NFIX: variants seen among roughly 807,000 people sequenced by gnomAD.
The protein encoded by NFIX is nuclear factor 1 X-type.
A neutral mutation model predicts 53.3 loss-of-function variants in NFIX; 2 were observed. The ratio of observed to expected loss-of-function variants is 0.04; its 90% CI spans 0.02 to 0.12. NFIX has a LOEUF of 0.12. NFIX is among the 10% of genes least tolerant of loss of function. The pLI, the probability that NFIX is intolerant of heterozygous loss-of-function variation, is 1.00. For missense variants in NFIX, 310 were observed against 674.5 expected (o/e 0.46, Z 5.99); for synonymous variants, 244 against 289.0 (o/e 0.84, Z 1.58).
intron 2 of NFIX, among the ~76,000 whole-genome samples, chr19:13,041,367 G>A (rs550614638): frequency 6.6e-6 from 1 of 152,290 alleles, no homozygotes; most frequent in East Asian, 1.9e-4. Flanking sequence ...AAGTCAGGGG[G>A]TGGAAATTAA....
At chr19:13,058,234 C>G (rs117549481) in intron 2 of NFIX, among the ~76,000 whole-genome samples, 17 of 152,228 alleles carry the variant, frequency 1.1e-4, no homozygotes, top group Non-Finnish European at 1.2e-4. Flanking sequence ...GGACACCTTT[C>G]CAGGGATCTG....
rs958862049 is a variant in NFIX at position 13,089,295 on chromosome 19, G to A, written c.1403-1004G>A. On this transcript the variant is annotated intron_variant, in intron 9 of 10. Coordinates refer to ENST00000592199, the MANE Select transcript of NFIX (RefSeq NM_001365902.3). The surrounding 1 kb of genome is among the most constrained non-coding windows in gnomAD (Gnocchi z 4.8). ...CTGGGTGTGTCTGGTGCAGGGCAGC[G>A]GCGGGCCTTCCAGGTAACCTGTGAC... Among the ~76,000 whole-genome samples the A allele has an allele frequency of 6.6e-5, 10 of 152,110 alleles. No homozygotes were observed. Among genetic ancestry groups the A allele is most frequent in the African/African-American group, 2.2e-4 (9 of 41,418 alleles).
rs1173448520 is a variant in NFIX at position 12,996,597 on chromosome 19, CCCA to C, written c.27+736_27+738del. On this transcript the variant is annotated intron_variant, in intron 1 of 10. Coordinates refer to ENST00000592199, the MANE Select transcript of NFIX (RefSeq NM_001365902.3). The surrounding 1 kb of genome is among the most constrained non-coding windows in gnomAD (Gnocchi z 5.2). ...CCCCGGACGTCGCAGCCTCTGCCCC[CCCA>C]CCCCCAAACTTTCCTCGGCGCAAAC... 1.3e-5 allele frequency among the ~76,000 whole-genome samples: 2 copies of C among 152,184 alleles called. No individual in the cohort carries two copies. Among genetic ancestry groups the C allele is most frequent in the African/African-American group, 4.8e-5 (2 of 41,460 alleles).
intron 2 of NFIX, among the ~76,000 whole-genome samples, chr19:13,058,971 C>T (rs1043978117): frequency 6.6e-6 from 1 of 152,154 alleles, no homozygotes; most frequent in African/African-American, 2.4e-5. Flanking sequence ...CCGGAGCCAC[C>T]GTCTCACCTT....
At chr19:13,083,463 T>G (rs779027209) in intron 8 of NFIX, among the ~76,000 whole-genome samples, 8 of 152,196 alleles carry the variant, frequency 5.3e-5, no homozygotes, top group Non-Finnish European at 7.3e-5. Flanking sequence ...CCCTGGCCAT[T>G]CTGAGCCTCT....
intron 1 of NFIX, 143 bp from the exon 2 acceptor site, chr19:13,024,878 G>C: frequency 7.6e-7 from 1 of 1,322,500 alleles, no homozygotes; most frequent in Non-Finnish European, 1.0e-6. Context: ...AAATTGTTGG[G>C]GGGAGGGAGG....
At position 13,073,427 on chromosome 19, in the gene NFIX, T is replaced by C. The variant is rs1568316185; in HGVS notation, c.628T>C (p.Leu210=). 1 of 1,613,972 alleles carries C rather than the reference T, an allele frequency of 6.2e-7. No homozygotes were observed. The highest frequency in any genetic ancestry group is 2.2e-5 in the East Asian group (1 of 44,886). The change falls in exon 4 of 11, where the codon TTA becomes CTA. Residue 210 remains leucine, a synonymous_variant. Transcript: ENST00000592199. This position sits in a 1 kb window ranked among gnomAD's most constrained non-coding sequence, Gnocchi z 4.5. ...TCATCCTTTCCCCTCTTCAGGGCAC[T>C]TAAGTTTCCAGGACTGTTTTGTGAC... ...ADIKPLPNGH[L]SFQDCFVTSG...
rs558721000 is a variant in NFIX at position 13,026,217 on chromosome 19, C to T, written c.559+665C>T. Among the ~76,000 whole-genome samples, 191 of 152,094 alleles carry T rather than the reference C, an allele frequency of 1.3e-3. 1 individual carries two copies. Among genetic ancestry groups the T allele is most frequent in the Non-Finnish European group, 2.1e-3 (145 of 67,980 alleles). On this transcript the variant is annotated intron_variant, in intron 2 of 10. Transcript: ENST00000592199. ...AGAGAGTGAAAACAAGGACGAGATTCCTTGAGCTCTTTCCCTTCTCCTTAT... is the reference window on the plus strand; with the variant it reads ...AGAGAGTGAAAACAAGGACGAGATTTCTTGAGCTCTTTCCCTTCTCCTTAT...
At chr19:13,033,716 C>G (rs529013317) in intron 2 of NFIX, among the ~76,000 whole-genome samples, 1 of 152,352 alleles carries the variant, frequency 6.6e-6, no homozygotes, top group Non-Finnish European at 1.5e-5. Flanking sequence ...TCCCTGAATT[C>G]TCACCCTGAT....
At position 13,052,380 on chromosome 19, in the gene NFIX, C is replaced by T. The variant is rs2015382093; in HGVS notation, c.560-20667C>T. ...GGGTAGAGCCCAGATGGGAGCCCAC[C>T]TGGATGGCACGAACCACCTGAGTGA... On this transcript the variant is annotated intron_variant, in intron 2 of 10. Coordinates refer to ENST00000592199, the MANE Select transcript of NFIX (RefSeq NM_001365902.3). The surrounding 1 kb of genome is among the most constrained non-coding windows in gnomAD (Gnocchi z 5.2). 6.6e-6 allele frequency among the ~76,000 whole-genome samples: 1 copy of T among 152,184 alleles called. No individual in the cohort carries two copies. The highest frequency in any genetic ancestry group is 2.4e-5 in the African/African-American group (1 of 41,442).
At chr19:13,041,737 T>TCAGCCGAGATCGTGCCACTGCACTC (rs2014634219) in intron 2 of NFIX, among the ~76,000 whole-genome samples, 1 of 147,796 alleles carries the variant, frequency 6.8e-6, no homozygotes, top group East Asian at 2.0e-4. Context: ...GAGGTTGCAG[T>TCAGCCGAGATCGTGCCACTGCACTC]CAGCCGAGAT....
intron 2 of NFIX, among the ~76,000 whole-genome samples, chr19:13,046,215 G>A (rs1336630163): frequency 6.6e-6 from 1 of 152,094 alleles, no homozygotes; most frequent in Non-Finnish European, 1.5e-5. Context: ...CGGGAAAGAG[G>A]GTAGGCCTGT....
Position 12,998,432 on chromosome 19 carries a change from G to C in NFIX, c.27+2568G>C, listed in dbSNP as rs559215499. ...CTTGGAGCAGCGGGGCCCTGGCGGG[G>C]AAAGGTACTGTGGGCGAGGGGGAAG... On this transcript the variant is annotated intron_variant, in intron 1 of 10. Transcript: ENST00000592199. The surrounding 1 kb of genome is among the most constrained non-coding windows in gnomAD (Gnocchi z 4.4). Among the ~76,000 whole-genome samples, 4 of 151,594 alleles carry C rather than the reference G, an allele frequency of 2.6e-5. No homozygotes were observed. The highest frequency in any genetic ancestry group is 4.4e-5 in the Non-Finnish European group (3 of 67,920).
intron 2 of NFIX, among the ~76,000 whole-genome samples, chr19:13,029,339 G>A (rs890332417): frequency 6.6e-6 from 1 of 151,680 alleles, no homozygotes; most frequent in African/African-American, 2.4e-5. Flanking sequence ...TTTTTTTTTA[G>A]TATCATCAGA....
intron 1 of NFIX, among the ~76,000 whole-genome samples, chr19:12,999,380 G>A (rs2011590592): frequency 6.6e-6 from 1 of 151,670 alleles, no homozygotes; most frequent in South Asian, 2.1e-4. Flanking sequence ...CACCATCTTG[G>A]CCCGGCTGGT....
chr19:13,029,222 G>A (rs1599746247), intron 2 of NFIX, among the ~76,000 whole-genome samples: 1 of 152,206 alleles, frequency 6.6e-6, no homozygotes, highest in Non-Finnish European at 1.5e-5. Flanking sequence ...GAAGATCCAG[G>A]CATTATAGCT....
Position 13,066,192 on chromosome 19 carries a change from G to A in NFIX, c.560-6855G>A, listed in dbSNP as rs1018166461. Reference sequence around the variant, plus strand: ...CCGAAGCCTTACTGCCGAGCTGTGAGTCCTGTAGTAGCCAGGCCTGGCACT... The same window carrying A: ...CCGAAGCCTTACTGCCGAGCTGTGAATCCTGTAGTAGCCAGGCCTGGCACT... On this transcript the variant is annotated intron_variant, in intron 2 of 10. Coordinates refer to ENST00000592199, the MANE Select transcript of NFIX (RefSeq NM_001365902.3). The surrounding 1 kb of genome is among the most constrained non-coding windows in gnomAD (Gnocchi z 4.2). Among the ~76,000 whole-genome samples, 1 of 152,194 alleles carries A rather than the reference G, an allele frequency of 6.6e-6. No homozygotes were observed. The highest frequency in any genetic ancestry group is 2.4e-5 in the African/African-American group (1 of 41,434).
At chr19:13,070,543 C>T (rs1241207910) in intron 2 of NFIX, 1 of 152,552 alleles carries the variant, frequency 6.6e-6, no homozygotes, top group Non-Finnish European at 1.5e-5. Flanking sequence ...GCCTCTGAGC[C>T]TGGGTCCAGA....
intron 2 of NFIX, among the ~76,000 whole-genome samples, chr19:13,059,141 A>G (rs2015897401): frequency 6.6e-6 from 1 of 152,190 alleles, no homozygotes; most frequent in Admixed American, 6.5e-5. Context: ...CAAATCTGGG[A>G]AGTCTGTCCC....
Sources: gnomAD v4.1 joint callset for allele counts (sites outside exome capture counted in the v4.1 genomes callset) on GRCh38, gnomAD v4.1.1 for gene constraint, Gnocchi (gnomAD v3.1) non-coding constraint, MANE v1.5 for transcripts, NCBI Gene and HGNC (gene_info 2026-07-23, HGNC 2026-07-21) for gene names.